Variants in TC2N observed in about 807,000 individuals in gnomAD.
The protein encoded by TC2N is tandem C2 domains, nuclear.
Under a neutral mutation model 61.9 loss-of-function variants are expected in TC2N, and 51 were observed. That is an observed-to-expected ratio of 0.82 (90% CI 0.66 to 1.04). The LOEUF (loss-of-function observed/expected upper bound fraction) is 1.04, where lower values mean the gene tolerates loss of function less well. Ranked by LOEUF, TC2N falls within the 50% of genes least tolerant of loss-of-function variation. TC2N has a pLI of 0.00. For synonymous variants in TC2N, 204 were observed against 192.6 expected (o/e 1.06, Z -0.49); for missense variants, 556 against 566.7 (o/e 0.98, Z 0.19).
intron 1 of TC2N, among the ~76,000 whole-genome samples, chr14:91,861,523 G>T (rs902234150): frequency 1.3e-5 from 2 of 152,238 alleles, no homozygotes; most frequent in Non-Finnish European, 2.9e-5. Flanking sequence ...CAGACGGAGG[G>T]GAAGGTGGGC....
intron 10 of TC2N, among the ~76,000 whole-genome samples, chr14:91,786,674 C>T (rs1229614715): frequency 1.3e-5 from 2 of 152,170 alleles, no homozygotes; most frequent in Non-Finnish European, 2.9e-5. Flanking sequence ...TTGCTTTATA[C>T]ATGATAGAAT....
chr14:91,793,082 A>G (rs79037716), intron 8 of TC2N, among the ~76,000 whole-genome samples: 2,967 of 152,252 alleles, frequency 0.019, 97 homozygotes, highest in African/African-American at 0.067. Flanking sequence ...ACCCTTTCCG[A>G]TCTGAAAATC....
intron 4 of TC2N, among the ~76,000 whole-genome samples, chr14:91,801,551 G>A (rs1013958777): frequency 2.6e-5 from 4 of 152,146 alleles, no homozygotes; most frequent in East Asian, 1.9e-4. Context: ...CAGCTTCTGC[G>A]GTGGGGCAGG....
intron 1 of TC2N, among the ~76,000 whole-genome samples, chr14:91,855,176 C>T (rs733009): frequency 0.024 from 3,671 of 152,200 alleles, 154 homozygotes; most frequent in African/African-American, 0.085. Context: ...AAAGCAGGTT[C>T]GCTTCTGTCC....
In TC2N at chr14:91,804,884, G is replaced by A. The variant is rs373018970; in HGVS notation, c.302-2463C>T. ...TCTTTACCTAGGCTGTACCTACATG[G>A]GTATTCTGCTTTGTAATAAATCACT... On this transcript the variant is annotated intron_variant, in intron 3 of 11. Coordinates refer to ENST00000435962, the MANE Select transcript of TC2N (RefSeq NM_001128596.3). Among the ~76,000 whole-genome samples, 84 of 152,132 alleles carry A rather than the reference G, an allele frequency of 5.5e-4. No homozygotes were observed. The South Asian group carries it at 0.017, about 30-fold the overall frequency.
chr14:91,792,425 G>T lies in TC2N; in HGVS notation c.989C>A (p.Thr330Asn). The T allele has an allele frequency of 6.2e-7, 1 of 1,610,572 alleles. No individual in the cohort carries two copies. The highest frequency in any genetic ancestry group is 8.5e-7 in the Non-Finnish European group (1 of 1,177,862). ...TIGECSMSLR[T>N]LSTQEMDYSL... is the part of the protein sequence containing the mutation. Reference sequence around the variant, plus strand: ...GTAATCCATTTCCTGTGTGCTAAGGGTTCTGAGTGACATTGAGCATTCTCC... The same window carrying T: ...GTAATCCATTTCCTGTGTGCTAAGGTTTCTGAGTGACATTGAGCATTCTCC... Residue 330 changes from threonine (T) to asparagine (N), a missense_variant, in exon 9 of 12, where the codon ACC becomes AAC. Physicochemically the swap from Thr to Asn is moderately conservative, Grantham distance 65. Coordinates refer to ENST00000435962, the MANE Select transcript of TC2N (RefSeq NM_001128596.3).
intron 1 of TC2N, among the ~76,000 whole-genome samples, chr14:91,840,852 A>G (rs1888150741): frequency 6.6e-6 from 1 of 152,138 alleles, no homozygotes; most frequent in Non-Finnish European, 1.5e-5. Context: ...CTAAGGTAAC[A>G]ATGGGATAAT....
At chr14:91,807,998 G>A (rs1595242135) in intron 3 of TC2N, among the ~76,000 whole-genome samples, 2 of 152,220 alleles carry the variant, frequency 1.3e-5, no homozygotes, top group South Asian at 4.2e-4. Flanking sequence ...GGTTTTATAA[G>A]GGGTTTCCCC....
intron 1 of TC2N, among the ~76,000 whole-genome samples, chr14:91,830,560 G>A (rs915114508): frequency 6.6e-6 from 1 of 152,158 alleles, no homozygotes; most frequent in African/African-American, 2.4e-5. Context: ...AGAGGCAAAT[G>A]GGGAATGGCT....
chr14:91,812,750 T>C (rs1886839897), intron 2 of TC2N, among the ~76,000 whole-genome samples: 1 of 151,922 alleles, frequency 6.6e-6, no homozygotes, highest in Non-Finnish European at 1.5e-5. Flanking sequence ...ACTGTTAAAG[T>C]GCATTAACTT....
chr14:91,784,727 G>A (rs914977478), intron 11 of TC2N, among the ~76,000 whole-genome samples: 1 of 151,934 alleles, frequency 6.6e-6, no homozygotes, highest in Non-Finnish European at 1.5e-5. Context: ...CTGTTAAAAT[G>A]GACATGTTCT....
intron 10 of TC2N, among the ~76,000 whole-genome samples, chr14:91,786,328 T>A (rs1349888841): frequency 6.6e-6 from 1 of 152,224 alleles, no homozygotes; most frequent in Non-Finnish European, 1.5e-5. Context: ...GTGACATTAG[T>A]CTATAATTAC....
chr14:91,807,047 C>G (rs780505548), intron 3 of TC2N, among the ~76,000 whole-genome samples: 1 of 152,192 alleles, frequency 6.6e-6, no homozygotes, highest in Non-Finnish European at 1.5e-5. Context: ...AGGGTGGAAG[C>G]CCCAAGTCTT....
At position 91,792,519 on chromosome 14, in the gene TC2N, GT is replaced by G; in HGVS notation, c.894del (p.Lys298AsnfsTer8). On this transcript the variant is annotated frameshift_variant, in exon 9 of 12. Transcript: ENST00000435962. LOFTEE classifies it high-confidence loss of function. ...AGTCTTACAGTTTGTAGATTTTGAA[GT>G]TTAATAGCAAATACAAACGTTTCCA... ...EFMETFVFAI[K>X]LQNLQTVRLV... 6.3e-7 allele frequency: 1 copy of G among 1,590,036 alleles called. No individual in the cohort carries two copies. Among genetic ancestry groups the G allele is most frequent in the Non-Finnish European group, 8.6e-7 (1 of 1,165,322 alleles).
intron 1 of TC2N, chr14:91,866,204 C>A (rs2498851): frequency 0.21 from 31,354 of 152,030 alleles, 3,457 homozygotes; most frequent in African/African-American, 0.28. Flanking sequence ...ATTACAGTAA[C>A]CACCCAGGCC....
chr14:91,808,714 G>A (rs1399726688), intron 3 of TC2N, among the ~76,000 whole-genome samples: 1 of 152,058 alleles, frequency 6.6e-6, no homozygotes, highest in East Asian at 1.9e-4. Context: ...GTTTTCTAGT[G>A]AGCACAATGT....
chr14:91,833,487 T>C (rs1339347434), intron 1 of TC2N, among the ~76,000 whole-genome samples: 1 of 152,188 alleles, frequency 6.6e-6, no homozygotes, highest in Non-Finnish European at 1.5e-5. Context: ...AAATGTATAA[T>C]TAAATGAGTG....
chr14:91,791,625 T>C (rs936044299), intron 9 of TC2N, among the ~76,000 whole-genome samples: 4 of 152,164 alleles, frequency 2.6e-5, no homozygotes, highest in African/African-American at 9.7e-5. Flanking sequence ...TTCTAATCAA[T>C]TTATGAGCTG....
At chr14:91,855,414 C>G (rs566467140) in intron 1 of TC2N, among the ~76,000 whole-genome samples, 1 of 152,316 alleles carries the variant, frequency 6.6e-6, no homozygotes, top group South Asian at 2.1e-4. Context: ...CTCTTCCTAG[C>G]TTCTGTTGGT....
Sources: gnomAD v4.1 joint callset for allele counts (sites outside exome capture counted in the v4.1 genomes callset) on GRCh38, gnomAD v4.1.1 for gene constraint, MANE v1.5 for transcripts, NCBI Gene and HGNC (gene_info 2026-07-23, HGNC 2026-07-21) for gene names.